The following TANGO6 variants were observed in gnomAD, a reference collection of about 807,000 sequenced individuals.
TANGO6 encodes transport and golgi organization 6 homolog.
Under a neutral mutation model 114.2 loss-of-function variants are expected in TANGO6, and 90 were observed. The observed-to-expected ratio is 0.79, with a 90% CI of 0.66 to 0.94. The LOEUF is 0.94. Ranked by LOEUF, TANGO6 falls within the 40% of genes least tolerant of loss-of-function variation. The pLI, the probability that TANGO6 is intolerant of heterozygous loss-of-function variation, is 0.00. For synonymous variants in TANGO6, 477 were observed against 509.8 expected, an observed-to-expected ratio of 0.94 and a Z score of 0.87; for missense variants, 1,274 against 1,315.3, an observed-to-expected ratio of 0.97 and a Z score of 0.49.
At chr16:69,048,232 G>A (rs988879120) in intron 17 of TANGO6, among the ~76,000 whole-genome samples, 3 of 149,854 alleles carry the variant, frequency 2.0e-5, no homozygotes, top group Admixed American at 6.7e-5. Context: ...ACAGGTGCAC[G>A]CCACCAAGTG....
chr16:68,986,645 C>G (rs186385553), intron 15 of TANGO6, among the ~76,000 whole-genome samples: 500 of 152,232 alleles, frequency 3.3e-3, no homozygotes, highest in Middle Eastern at 0.01. Flanking sequence ...GTGGCTCACA[C>G]CTGTAATCCC....
chr16:68,848,142 C>T (rs1040261493), intron 1 of TANGO6, among the ~76,000 whole-genome samples: 7 of 151,960 alleles, frequency 4.6e-5, no homozygotes, highest in South Asian at 2.1e-4. Context: ...GTTGCCCAGC[C>T]GGGAGTACAG....
chr16:68,900,627 A>G lies in TANGO6; in HGVS notation c.1490+81A>G. The G allele has an allele frequency of 7.1e-6, 8 of 1,119,624 alleles. No individual in the cohort carries two copies. The South Asian group carries it at 1.2e-4, about 16-fold the overall frequency. 69.4% of individuals were successfully genotyped at this position (1,119,624 alleles called of 1,614,324 possible). ...TTGTTTTTGTTCTTATTTTGAATTT[A>G]TATTTGCCACTTTGAAATTATCATT... On this transcript the variant is annotated intron_variant, in intron 8 of 17. Coordinates refer to ENST00000261778, the MANE Select transcript of TANGO6 (RefSeq NM_024562.2).
At chr16:68,980,325 T>C (rs1315459974) in intron 15 of TANGO6, among the ~76,000 whole-genome samples, 1 of 148,840 alleles carries the variant, frequency 6.7e-6, no homozygotes, top group African/African-American at 2.5e-5. Context: ...TTTTCTCTTA[T>C]ATAGAAAACA....
chr16:68,897,841 G>A (rs1432903788), intron 7 of TANGO6, among the ~76,000 whole-genome samples: 1 of 152,132 alleles, frequency 6.6e-6, no homozygotes, highest in Non-Finnish European at 1.5e-5. Context: ...GCCTCCCAAA[G>A]TGCTGGGATT....
intron 4 of TANGO6, among the ~76,000 whole-genome samples, chr16:68,868,740 A>G (rs528360293): frequency 6.0e-4 from 91 of 152,022 alleles, no homozygotes; most frequent in Non-Finnish European, 6.3e-4. Flanking sequence ...CTCGTGATCC[A>G]CCCACCTCGG....
intron 14 of TANGO6, chr16:68,933,875 G>A (rs1963273082): frequency 6.6e-6 from 1 of 152,210 alleles, no homozygotes; most frequent in Non-Finnish European, 1.5e-5. Flanking sequence ...TTACCTCCCA[G>A]AGGCAAGGTT....
At chr16:68,852,966 C>T (rs1362699773) in intron 1 of TANGO6, among the ~76,000 whole-genome samples, 1 of 152,164 alleles carries the variant, frequency 6.6e-6, no homozygotes, top group Non-Finnish European at 1.5e-5. Context: ...CATGCATCAA[C>T]TCATGTTTTC....
intron 14 of TANGO6, among the ~76,000 whole-genome samples, chr16:68,936,493 C>T (rs1023461768): frequency 2.6e-5 from 4 of 152,050 alleles, no homozygotes; most frequent in South Asian, 2.1e-4. Context: ...CCACCATGCC[C>T]GGCTAATTTT....
chr16:68,910,575 T>G (rs1962908740), intron 11 of TANGO6, among the ~76,000 whole-genome samples: 1 of 152,224 alleles, frequency 6.6e-6, no homozygotes, highest in African/African-American at 2.4e-5. Flanking sequence ...TAAATTATCC[T>G]TCAGCTAAGG....
At chr16:69,063,222 G>GAAAA (rs35318231) in intron 17 of TANGO6, among the ~76,000 whole-genome samples, 1 of 134,814 alleles carries the variant, frequency 7.4e-6, no homozygotes. Flanking sequence ...GACTTCGTCT[G>GAAAA]AAAAAAAAAA....
In TANGO6 at chr16:68,910,354, C is replaced by T. The variant is rs182954313; in HGVS notation, c.1992+952C>T. 3.9e-4 allele frequency among the ~76,000 whole-genome samples: 59 copies of T among 152,268 alleles called. No individual in the cohort carries two copies. The East Asian group carries it at 0.011, about 28-fold the overall frequency. On this transcript the variant is annotated intron_variant, in intron 11 of 17. Coordinates refer to ENST00000261778, the MANE Select transcript of TANGO6 (RefSeq NM_024562.2). ...TCTTATTCTTTCAGTTCACTGACCC[C>T]GTGTTACTCAGTAGGGTGATTTGTT... is the stretch of plus-strand genomic sequence containing the variant.
At chr16:68,874,211 G>T (rs940836894) in intron 4 of TANGO6, among the ~76,000 whole-genome samples, 1 of 152,096 alleles carries the variant, frequency 6.6e-6, no homozygotes, top group African/African-American at 2.4e-5. Context: ...CTGGTATTTT[G>T]CCCTGAAAAT....
At chr16:69,055,237 C>T (rs1326518695) in intron 17 of TANGO6, among the ~76,000 whole-genome samples, 1 of 152,112 alleles carries the variant, frequency 6.6e-6, no homozygotes, top group Non-Finnish European at 1.5e-5. Flanking sequence ...GCAAAGGGAG[C>T]GTTTAGCCTG....
chr16:68,900,330 G>C (rs578261400), intron 7 of TANGO6, 104 bp from the exon 8 acceptor site: 7 of 841,248 alleles, frequency 8.3e-6, no homozygotes, highest in South Asian at 4.7e-5. Flanking sequence ...ATTCGGATGA[G>C]ATATTGCTTA....
At chr16:69,029,622 A>T (rs1177429707) in intron 16 of TANGO6, among the ~76,000 whole-genome samples, 1 of 152,180 alleles carries the variant, frequency 6.6e-6, no homozygotes, top group African/African-American at 2.4e-5. Flanking sequence ...AGAGGAAGGG[A>T]AACTGATCAG....
chr16:68,952,746 A>G (rs1351689102), intron 14 of TANGO6, among the ~76,000 whole-genome samples: 1 of 152,066 alleles, frequency 6.6e-6, no homozygotes, highest in Non-Finnish European at 1.5e-5. Flanking sequence ...CCTGCCCCAG[A>G]GGAGGATTGA....
chr16:69,073,352 G>A (rs527262823), intron 17 of TANGO6, among the ~76,000 whole-genome samples: 47 of 152,300 alleles, frequency 3.1e-4, no homozygotes, highest in African/African-American at 9.1e-4. Context: ...CTCCAAAGGC[G>A]GAAATGACTT....
Position 69,083,534 on chromosome 16 carries a change from T to A in TANGO6, c.3158T>A (p.Val1053Glu). The stretch of plus-strand genomic sequence containing the variant: ...CTCTACCACCTGCTGAAGCACGTAG[T>A]GTGTCTGGAGCCCGATGACGTGGCC... ...KDLYHLLKHV[V>E]CLEPDDVAKL... The change falls in exon 18 of 18, where the codon GTG becomes GAG. Residue 1053 changes from valine (V) to glutamate (E), a missense_variant. This residue lies in a region of TANGO6 where 238 missense variants were observed against 252.9 expected (regional missense o/e 0.94). Transcript: ENST00000261778. The A allele has an allele frequency of 1.2e-6, 2 of 1,612,520 alleles. No homozygotes were observed. Among genetic ancestry groups the A allele is most frequent in the Non-Finnish European group, 8.5e-7 (1 of 1,179,314 alleles).
Sources: gnomAD v4.1 joint callset for allele counts (sites outside exome capture counted in the v4.1 genomes callset) on GRCh38, gnomAD v4.1.1 for gene constraint, gnomAD v4.1.1 regional missense constraint, MANE v1.5 for transcripts, NCBI Gene and HGNC (gene_info 2026-07-23, HGNC 2026-07-21) for gene names.